Variants in EDN1 observed in about 807,000 individuals in gnomAD.
EDN1 encodes endothelin 1, also known as endothelin-1.
A neutral mutation model predicts 21.7 loss-of-function variants in EDN1; 11 were observed. The observed-to-expected ratio is 0.51, with a 90% CI of 0.32 to 0.84. EDN1 has a LOEUF of 0.84. Ranked by LOEUF, EDN1 falls within the 40% of genes least tolerant of loss-of-function variation. EDN1 has a pLI of 0.03. For synonymous variants in EDN1, 85 were observed against 90.6 expected, an observed-to-expected ratio of 0.94 and a Z score of 0.35; for missense variants, 244 against 262.3, an observed-to-expected ratio of 0.93 and a Z score of 0.48.
chr6:12,236,284 A>G, the EDN1 span, among the ~76,000 whole-genome samples: 2 of 133,442 alleles, frequency 1.5e-5, no homozygotes, highest in African/African-American at 5.2e-5. Context: ...TTGATGCCAA[A>G]CAATTTTTTT....
At chr6:12,281,395 A>G in the EDN1 span, among the ~76,000 whole-genome samples, 1 of 151,094 alleles carries the variant, frequency 6.6e-6, no homozygotes, top group African/African-American at 2.4e-5. Flanking sequence ...CTTACTAACT[A>G]AACTTTTCCA....
upstream of EDN1, among the ~76,000 whole-genome samples, chr6:12,289,287 C>G (rs1160909569): frequency 6.6e-6 from 1 of 152,252 alleles, no homozygotes; most frequent in African/African-American, 2.4e-5. Context: ...TACAAGAACA[C>G]CTTTTTGCCC....
chr6:12,286,257 A>G (rs945364609), upstream of EDN1, among the ~76,000 whole-genome samples: 9 of 152,232 alleles, frequency 5.9e-5, no homozygotes, highest in African/African-American at 2.2e-4. Flanking sequence ...ATAGAGATGC[A>G]TATGTTGTAT....
upstream of EDN1, among the ~76,000 whole-genome samples, chr6:12,287,660 CTT>C (rs1453412085): frequency 2.0e-5 from 3 of 151,002 alleles, no homozygotes; most frequent in African/African-American, 7.3e-5. Flanking sequence ...CTCTCTCTCT[CTT>C]CTCTTCTCCT....
At chr6:12,240,945 A>G in the EDN1 span, among the ~76,000 whole-genome samples, 2 of 152,150 alleles carry the variant, frequency 1.3e-5, no homozygotes, top group African/African-American at 4.8e-5. Context: ...GAGATGGAAC[A>G]TCAAGGTAGA....
the EDN1 span, among the ~76,000 whole-genome samples, chr6:12,232,817 G>A: frequency 0.024 from 3,704 of 152,278 alleles, 157 homozygotes; most frequent in African/African-American, 0.085. Context: ...TATAATGAAA[G>A]GTTGTTGGGT....
the EDN1 span, among the ~76,000 whole-genome samples, chr6:12,236,803 A>G: frequency 1.4e-5 from 2 of 146,402 alleles, no homozygotes; most frequent in Admixed American, 1.4e-4. Context: ...TTTACTTCTT[A>G]ACTTCTATCA....
the EDN1 span, among the ~76,000 whole-genome samples, chr6:12,258,432 G>A: frequency 5.7e-5 from 7 of 122,220 alleles, no homozygotes; most frequent in South Asian, 1.8e-3. Flanking sequence ...CCTGGGTTTC[G>A]GAGTGAGATC....
the EDN1 span, among the ~76,000 whole-genome samples, chr6:12,243,039 T>C: frequency 1.3e-5 from 2 of 152,154 alleles, no homozygotes; most frequent in African/African-American, 4.8e-5. Flanking sequence ...AGATAACTTT[T>C]GATTCCCCAA....
At chr6:12,252,110 G>A in the EDN1 span, among the ~76,000 whole-genome samples, 1 of 152,094 alleles carries the variant, frequency 6.6e-6, no homozygotes, top group African/African-American at 2.4e-5. Context: ...ATCCTTTTAG[G>A]TTTCTGCATT....
chr6:12,261,739 G>A, the EDN1 span, among the ~76,000 whole-genome samples: 2 of 152,210 alleles, frequency 1.3e-5, no homozygotes, highest in Non-Finnish European at 2.9e-5. Flanking sequence ...GGGATGAGGC[G>A]GCGGCGCATG....
upstream of EDN1, among the ~76,000 whole-genome samples, chr6:12,287,356 C>G (rs532132679): frequency 6.6e-6 from 1 of 152,022 alleles, no homozygotes; most frequent in Non-Finnish European, 1.5e-5. Flanking sequence ...TAGTTCTTCT[C>G]CCCGCATCTC....
intron 4 of EDN1, 117 bp from the exon 5 acceptor site, chr6:12,295,845 A>G (rs1581889327): frequency 1.0e-6 from 1 of 976,372 alleles, no homozygotes; most frequent in Non-Finnish European, 1.6e-6. Flanking sequence ...GCGGGTGGTG[A>G]AAGTTCACAA....
chr6:12,271,582 A>C, the EDN1 span, among the ~76,000 whole-genome samples: 1 of 152,180 alleles, frequency 6.6e-6, no homozygotes, highest in African/African-American at 2.4e-5. Context: ...TTTTAACTTC[A>C]CAGTAGAGAT....
chr6:12,290,603 G>C lies in EDN1; in HGVS notation c.-27G>C. The stretch of plus-strand genomic sequence containing the variant: ...TTTTCCTTTGGGTTCAGTTTGAACG[G>C]GAGGTTTTTGATCCCTTTTTTTCAG... On this transcript the variant is annotated 5_prime_UTR_variant, in exon 1 of 5. Transcript: ENST00000379375. 6.2e-7 allele frequency: 1 copy of C among 1,605,978 alleles called. No individual in the cohort carries two copies. Among genetic ancestry groups the C allele is most frequent in the Non-Finnish European group, 8.5e-7 (1 of 1,172,606 alleles).
At chr6:12,267,397 A>T in the EDN1 span, among the ~76,000 whole-genome samples, 1 of 152,198 alleles carries the variant, frequency 6.6e-6, no homozygotes, top group Admixed American at 6.5e-5. Flanking sequence ...AAGTTAGCAC[A>T]TGAATTATAA....
the EDN1 span, among the ~76,000 whole-genome samples, chr6:12,252,161 A>G: frequency 2.6e-5 from 4 of 152,160 alleles, no homozygotes; most frequent in Non-Finnish European, 5.9e-5. Flanking sequence ...ATATTGCTGG[A>G]CTTGGATTCA....
upstream of EDN1, among the ~76,000 whole-genome samples, chr6:12,289,424 C>T (rs1214502325): frequency 3.9e-5 from 6 of 152,100 alleles, no homozygotes; most frequent in Admixed American, 2.0e-4. Flanking sequence ...TGACCCTCCT[C>T]GGCCCCCAAG....
chr6:12,286,843 G>A (rs1762565313), upstream of EDN1, among the ~76,000 whole-genome samples: 1 of 152,204 alleles, frequency 6.6e-6, no homozygotes, highest in Non-Finnish European at 1.5e-5. Flanking sequence ...GCCAGGAGTG[G>A]TGGCTCACGC....
Sources: gnomAD v4.1 joint callset for allele counts (sites outside exome capture counted in the v4.1 genomes callset) on GRCh38, gnomAD v4.1.1 for gene constraint, MANE v1.5 for transcripts, NCBI Gene and HGNC (gene_info 2026-07-23, HGNC 2026-07-21) for gene names.